NPAS3: variants seen among roughly 807,000 people sequenced by gnomAD.
The protein encoded by NPAS3 is neuronal PAS domain protein 3, also known as neuronal PAS domain-containing protein 3.
In NPAS3, 14 loss-of-function variants were observed where a neutral mutation model predicts 73.1. The ratio of observed to expected loss-of-function variants is 0.19; its 90% CI spans 0.13 to 0.30. The LOEUF is 0.30. NPAS3 is among the 10% of genes least tolerant of loss of function. NPAS3 has a pLI of 1.00. For synonymous variants in NPAS3, 620 were observed against 541.5 expected (o/e 1.14, Z -2.01); for missense variants, 1,096 against 1,250.0 (o/e 0.88, Z 1.86).
At chr14:33,784,741 A>ATTTTTTTTTTTTTTTTTTTTTTTTTTT (rs1325282410) in intron 9 of NPAS3, among the ~76,000 whole-genome samples, 3 of 72,770 alleles carry the variant, frequency 4.1e-5, no homozygotes, top group Admixed American at 1.4e-4. Flanking sequence ...TTATTTATTT[A>ATTTTTTTTTTTTTTTTTTTTTTTTTTT]TTTATTTTTT....
intron 3 of NPAS3, among the ~76,000 whole-genome samples, chr14:33,290,832 C>T (rs903090694): frequency 2.0e-5 from 3 of 152,184 alleles, no homozygotes; most frequent in Non-Finnish European, 4.4e-5. Flanking sequence ...TAGAACTCGG[C>T]AGCATCTGCA....
Position 33,666,989 on chromosome 14 carries a change from T to C in NPAS3, c.559-9222T>C, listed in dbSNP as rs180978524. Among the ~76,000 whole-genome samples, 14 of 152,328 alleles carry C rather than the reference T, an allele frequency of 9.2e-5. No individual in the cohort carries two copies. In the East Asian group the frequency reaches 2.7e-3, roughly 29 times the overall value. The stretch of plus-strand genomic sequence containing the variant: ...ACATTGCAAACCCACATGAGTAATT[T>C]TAAATTTTTCTAGTAGCCGCATTTT... On this transcript the variant is annotated intron_variant, in intron 5 of 11. Transcript: ENST00000356141.
At chr14:33,684,068 T>C (rs1185929596) in intron 6 of NPAS3, among the ~76,000 whole-genome samples, 1 of 152,008 alleles carries the variant, frequency 6.6e-6, no homozygotes, top group African/African-American at 2.4e-5. Flanking sequence ...GGGTACAATA[T>C]TAGGGTTGCA....
At chr14:32,961,640 C>T (rs868257904) in intron 1 of NPAS3, among the ~76,000 whole-genome samples, 2 of 152,162 alleles carry the variant, frequency 1.3e-5, no homozygotes, top group Non-Finnish European at 2.9e-5. Flanking sequence ...TCCTCATTCT[C>T]ATCATCCTTG....
intron 1 of NPAS3, among the ~76,000 whole-genome samples, chr14:33,014,292 C>T (rs1185474483): frequency 6.6e-6 from 1 of 152,018 alleles, no homozygotes; most frequent in Non-Finnish European, 1.5e-5. Flanking sequence ...AATATTTGTT[C>T]AAAGATTCTA....
At chr14:33,339,788 G>A (rs562984903) in intron 3 of NPAS3, among the ~76,000 whole-genome samples, 6 of 152,140 alleles carry the variant, frequency 3.9e-5, no homozygotes, top group African/African-American at 7.2e-5. Flanking sequence ...CATCAAAGTA[G>A]CATTTCAGTT....
chr14:33,712,657 A>G (rs1388369858), intron 6 of NPAS3, among the ~76,000 whole-genome samples: 1 of 152,212 alleles, frequency 6.6e-6, no homozygotes, highest in Non-Finnish European at 1.5e-5. Context: ...CACTATGTAC[A>G]ATGCTAAATG....
At chr14:33,126,566 G>T (rs1566587674) in intron 2 of NPAS3, among the ~76,000 whole-genome samples, 1 of 152,252 alleles carries the variant, frequency 6.6e-6, no homozygotes, top group Admixed American at 6.5e-5. Flanking sequence ...ATTTCCCAGA[G>T]CAAGAGGCAT....
intron 6 of NPAS3, among the ~76,000 whole-genome samples, chr14:33,711,354 A>G (rs959739889): frequency 6.6e-6 from 1 of 152,176 alleles, no homozygotes; most frequent in Non-Finnish European, 1.5e-5. Flanking sequence ...TCTGATACGC[A>G]CGTCCCAGGG....
chr14:33,656,011 G>T (rs2059135488), intron 5 of NPAS3, among the ~76,000 whole-genome samples: 2 of 152,116 alleles, frequency 1.3e-5, no homozygotes, highest in South Asian at 4.1e-4. Context: ...TCACTTGGTG[G>T]TTGTGCCCCA....
chr14:33,592,241 A>G (rs949160968), intron 5 of NPAS3, among the ~76,000 whole-genome samples: 1 of 152,152 alleles, frequency 6.6e-6, no homozygotes, highest in Non-Finnish European at 1.5e-5. Flanking sequence ...TTCTCCCTAA[A>G]ACAAAGGTAG....
intron 1 of NPAS3, among the ~76,000 whole-genome samples, chr14:33,032,075 A>G (rs1209326272): frequency 6.6e-6 from 1 of 152,240 alleles, no homozygotes. Context: ...GATAAAGTCT[A>G]GATTCTGTCA....
At chr14:33,681,384 C>A (rs1344379191) in intron 6 of NPAS3, among the ~76,000 whole-genome samples, 1 of 152,150 alleles carries the variant, frequency 6.6e-6, no homozygotes, top group South Asian at 2.1e-4. Context: ...ACCCCACATC[C>A]AACCCCAGTC....
intron 1 of NPAS3, among the ~76,000 whole-genome samples, chr14:33,044,502 A>G (rs1488363468): frequency 6.6e-6 from 1 of 152,084 alleles, no homozygotes; most frequent in South Asian, 2.1e-4. Flanking sequence ...AACAATTCTT[A>G]TTTATTTTCA....
intron 3 of NPAS3, among the ~76,000 whole-genome samples, chr14:33,358,625 T>C (rs2140378585): frequency 6.6e-6 from 1 of 152,262 alleles, no homozygotes; most frequent in African/African-American, 2.4e-5. Flanking sequence ...GAGTTGAGAG[T>C]TGTACTTTTA....
chr14:33,666,655 A>C (rs914456032), intron 5 of NPAS3, among the ~76,000 whole-genome samples: 3 of 152,026 alleles, frequency 2.0e-5, no homozygotes, highest in African/African-American at 7.2e-5. Flanking sequence ...ATTTTTTTTC[A>C]TATTATTTGA....
At chr14:33,128,061 G>A (rs2043495269) in intron 2 of NPAS3, among the ~76,000 whole-genome samples, 1 of 152,096 alleles carries the variant, frequency 6.6e-6, no homozygotes, top group Admixed American at 6.6e-5. Flanking sequence ...AATTCTCTGA[G>A]AAATGTACAA....
At chr14:33,550,275 TC>T (rs1375433671) in intron 4 of NPAS3, among the ~76,000 whole-genome samples, 1 of 152,166 alleles carries the variant, frequency 6.6e-6, no homozygotes, top group East Asian at 1.9e-4. Context: ...TGCCTCAGCC[TC>T]CCTAATAAGC....
At chr14:33,558,848 C>CTTT (rs35496683) in intron 4 of NPAS3, among the ~76,000 whole-genome samples, 28 of 143,256 alleles carry the variant, frequency 2.0e-4, no homozygotes, top group East Asian at 1.6e-3. Context: ...AATTCACGGC[C>CTTT]TTTTTTTTTT....
Sources: gnomAD v4.1 joint callset for allele counts (sites outside exome capture counted in the v4.1 genomes callset) on GRCh38, gnomAD v4.1.1 for gene constraint, MANE v1.5 for transcripts, NCBI Gene and HGNC (gene_info 2026-07-23, HGNC 2026-07-21) for gene names.